The following TNKS variants were observed in gnomAD, a reference collection of about 807,000 sequenced individuals.
TNKS encodes the protein poly [ADP-ribose] polymerase tankyrase-1.
A neutral mutation model predicts 135.8 loss-of-function variants in TNKS; 72 were observed. The ratio of observed to expected loss-of-function variants is 0.53; its 90% CI spans 0.44 to 0.64. The LOEUF (loss-of-function observed/expected upper bound fraction) is 0.64, where lower values mean the gene tolerates loss of function less well. Among genes scored for constraint, TNKS ranks in the 30% least tolerant of loss-of-function variants. TNKS has a pLI of 0.00. For synonymous variants in TNKS, 849 were observed against 649.3 expected, an observed-to-expected ratio of 1.31 and a Z score of -4.68; for missense variants, 1,769 against 1,674.0, an observed-to-expected ratio of 1.06 and a Z score of -0.99.
intron 21 of TNKS, among the ~76,000 whole-genome samples, chr8:9,762,586 C>T (rs559724699): frequency 6.6e-6 from 1 of 152,030 alleles, no homozygotes; most frequent in Non-Finnish European, 1.5e-5. Flanking sequence ...ACTCTGCAGT[C>T]TGTACAAGAA....
At chr8:9,668,306 A>C (rs939545532) in intron 3 of TNKS, among the ~76,000 whole-genome samples, 2 of 152,220 alleles carry the variant, frequency 1.3e-5, no homozygotes, top group African/African-American at 4.8e-5. Flanking sequence ...GTCATGGACC[A>C]CTTTAAGGAG....
chr8:9,580,198 T>C lies in TNKS; in HGVS notation c.713T>C (p.Met238Thr). 1 of 1,614,174 alleles carries C rather than the reference T, an allele frequency of 6.2e-7. No homozygotes were observed. The highest frequency in any genetic ancestry group is 8.5e-7 in the Non-Finnish European group (1 of 1,180,028). Residue 238 changes from methionine to threonine, a missense_variant, in exon 2 of 27, where the codon ATG becomes ACG. Around this residue, in one of 5 missense-constraint regions of TNKS, gnomAD observed 523 missense variants for 541.0 expected, o/e 0.97. Transcript: ENST00000310430. The part of the protein sequence containing the change: ...RKDVVEHLLQ[M>T]GANVHARDDG... ...GATGTTGTAGAACACTTACTACAGA[T>C]GGGTGCTAATGTCCACGCTCGTGAT...
At chr8:9,618,426 A>G (rs899554098) in intron 3 of TNKS, among the ~76,000 whole-genome samples, 1 of 152,228 alleles carries the variant, frequency 6.6e-6, no homozygotes, top group African/African-American at 2.4e-5. Context: ...ACTTACTCAG[A>G]GAGACTCATC....
intron 20 of TNKS, among the ~76,000 whole-genome samples, chr8:9,755,461 T>C (rs1410750405): frequency 6.6e-6 from 1 of 152,244 alleles, no homozygotes; most frequent in Non-Finnish European, 1.5e-5. Flanking sequence ...TGATACTACC[T>C]TTCTTTGTAT....
rs372358789 is a variant in TNKS at position 9,771,678 on chromosome 8, GGA to G, written c.3897+1436_3897+1437del. On this transcript the variant is annotated intron_variant, in intron 26 of 26. Transcript: ENST00000310430. ...ATGGAGGGGAGAGGCAGGAAGGGAG[GGA>G]GAGAGAGAGAGAGAGAGAGGAAGGG... Among the ~76,000 whole-genome samples, 790 of 112,886 alleles carry G rather than the reference GGA, an allele frequency of 7.0e-3. 3 individuals carry two copies. The highest frequency in any genetic ancestry group is 9.2e-3 in the Non-Finnish European group (511 of 55,544). 74.1% of individuals were successfully genotyped at this position (112,886 alleles called of 152,430 possible). A position where few individuals can be genotyped will look rare whatever the true frequency, so the allele number is the denominator to read the frequency against.
At chr8:9,646,757 A>G (rs1293912748) in intron 3 of TNKS, among the ~76,000 whole-genome samples, 2 of 152,114 alleles carry the variant, frequency 1.3e-5, no homozygotes, top group Non-Finnish European at 2.9e-5. Flanking sequence ...TTTCCAAGTC[A>G]GTTTAGTCCA....
intron 3 of TNKS, among the ~76,000 whole-genome samples, chr8:9,646,650 C>T (rs1800930358): frequency 6.6e-6 from 1 of 152,110 alleles, no homozygotes; most frequent in African/African-American, 2.4e-5. Context: ...TAAATGGGAC[C>T]TTGAAGGCCA....
intron 20 of TNKS, among the ~76,000 whole-genome samples, chr8:9,756,146 C>T (rs1563213406): frequency 6.6e-6 from 1 of 152,048 alleles, no homozygotes; most frequent in Non-Finnish European, 1.5e-5. Flanking sequence ...TTATGGTTAA[C>T]CTATGTATTT....
At chr8:9,574,215 A>AATTT (rs1245884995) in intron 1 of TNKS, among the ~76,000 whole-genome samples, 1 of 152,140 alleles carries the variant, frequency 6.6e-6, no homozygotes, top group African/African-American at 2.4e-5. Flanking sequence ...AATGTGCTGA[A>AATTT]ATTTATACAT....
At chr8:9,560,676 C>T (rs936543324) in intron 1 of TNKS, among the ~76,000 whole-genome samples, 1 of 151,610 alleles carries the variant, frequency 6.6e-6, no homozygotes, top group Non-Finnish European at 1.5e-5. Flanking sequence ...TGGCAAGATC[C>T]TTTATATTAC....
chr8:9,577,096 A>G (rs1283764381), intron 1 of TNKS, among the ~76,000 whole-genome samples: 1 of 150,662 alleles, frequency 6.6e-6, no homozygotes, highest in African/African-American at 2.5e-5. Context: ...CTGAACTGAA[A>G]AATGTAAATA....
intron 1 of TNKS, among the ~76,000 whole-genome samples, chr8:9,563,308 C>CT (rs1267030155): frequency 2.0e-5 from 3 of 152,046 alleles, no homozygotes; most frequent in South Asian, 4.1e-4. Context: ...TTTTTATTAA[C>CT]TTTTTTTCTC....
At chr8:9,773,507 T>C (rs935801433) in intron 26 of TNKS, among the ~76,000 whole-genome samples, 5 of 152,186 alleles carry the variant, frequency 3.3e-5, no homozygotes, top group Non-Finnish European at 5.9e-5. Flanking sequence ...CAGTTCTCTT[T>C]ACCATATGTT....
rs1808247254 is a variant in TNKS at position 9,776,816 on chromosome 8, A to G, written c.*80A>G. On this transcript the variant is annotated 3_prime_UTR_variant, in exon 27 of 27. Coordinates refer to ENST00000310430, the MANE Select transcript of TNKS (RefSeq NM_003747.3). ...AGGATTGTTTCTAATAACAACATCAATATTCTAGAAGTCCCTGACAGCCTA... is the reference window on the plus strand; with the variant it reads ...AGGATTGTTTCTAATAACAACATCAGTATTCTAGAAGTCCCTGACAGCCTA... 3 of 1,364,940 alleles carry G rather than the reference A, an allele frequency of 2.2e-6. No individual in the cohort carries two copies. The highest frequency in any genetic ancestry group is 1.2e-5 in the South Asian group (1 of 83,962). 84.6% of individuals were successfully genotyped at this position (1,364,940 alleles called of 1,614,324 possible).
intron 13 of TNKS, among the ~76,000 whole-genome samples, chr8:9,728,809 T>G (rs1255079827): frequency 2.0e-5 from 3 of 152,180 alleles, no homozygotes; most frequent in Non-Finnish European, 4.4e-5. Flanking sequence ...CGTATAGAGT[T>G]GATGAAACTG....
At chr8:9,564,224 A>C (rs1797441214) in intron 1 of TNKS, among the ~76,000 whole-genome samples, 1 of 152,186 alleles carries the variant, frequency 6.6e-6, no homozygotes, top group Non-Finnish European at 1.5e-5. Context: ...CCTGTAAAGC[A>C]TTCCCTACCC....
intron 3 of TNKS, among the ~76,000 whole-genome samples, chr8:9,668,015 G>T (rs1486668597): frequency 6.6e-6 from 1 of 152,168 alleles, no homozygotes; most frequent in African/African-American, 2.4e-5. Context: ...TTTAGAGCTA[G>T]CATGCTAGCA....
Position 9,710,050 on chromosome 8 carries a change from A to C in TNKS, c.1670+4A>C. The C allele has an allele frequency of 6.2e-7, 1 of 1,612,806 alleles. No individual in the cohort carries two copies. Among genetic ancestry groups the C allele is most frequent in the Non-Finnish European group, 8.5e-7 (1 of 1,178,754 alleles). On this transcript the variant is annotated splice_donor_region_variant and intron_variant, in intron 10 of 26. Coordinates refer to ENST00000310430, the MANE Select transcript of TNKS (RefSeq NM_003747.3). ...ATGTTAATGAAAAAAATAAAGAGTA[A>C]GTATAATTGCAGAAGGAGTTGTTCA...
At chr8:9,578,169 G>C (rs576447778) in intron 1 of TNKS, among the ~76,000 whole-genome samples, 2 of 152,292 alleles carry the variant, frequency 1.3e-5, no homozygotes, top group African/African-American at 4.8e-5. Context: ...TCAAGGGCTG[G>C]TGCTGATTAG....
Sources: allele counts gnomAD v4.1 joint callset (sites outside exome capture counted in the v4.1 genomes callset), GRCh38; gene constraint gnomAD v4.1.1; regional missense constraint gnomAD v4.1.1; transcripts MANE v1.5; gene names NCBI Gene and HGNC (gene_info 2026-07-23, HGNC 2026-07-21).